Variants in TFDP1 observed in about 807,000 individuals in gnomAD.
TFDP1 encodes transcription factor Dp-1.
Under a neutral mutation model 48.0 loss-of-function variants are expected in TFDP1, and 6 were observed. The ratio of observed to expected loss-of-function variants is 0.13; its 90% CI spans 0.07 to 0.25. TFDP1 has a LOEUF of 0.25. Ranked by LOEUF, TFDP1 falls within the 10% of genes least tolerant of loss-of-function variation. The pLI, the probability that TFDP1 is intolerant of heterozygous loss-of-function variation, is 1.00. For synonymous variants in TFDP1, 201 were observed against 211.6 expected, an observed-to-expected ratio of 0.95 and a Z score of 0.44; for missense variants, 335 against 543.0, an observed-to-expected ratio of 0.62 and a Z score of 3.81.
In TFDP1 at chr13:113,598,691, C is replaced by G. The variant is rs370408479; in HGVS notation, c.13-12305C>G. Among the ~76,000 whole-genome samples the G allele has an allele frequency of 1.6e-3, 243 of 152,344 alleles. No individual in the cohort carries two copies. Among genetic ancestry groups the G allele is most frequent in the African/African-American group, 5.7e-3 (239 of 41,572 alleles). ...GCCCTCCTGGGTGGAGTCTGCGTCC[C>G]CCTTTCCTGGTCATTTAAGTTGCGT... On this transcript the variant is annotated intron_variant, in intron 2 of 11. Transcript: ENST00000375370. This position sits in a 1 kb window ranked among gnomAD's most constrained non-coding sequence, Gnocchi z 4.2.
At chr13:113,600,006 G>A (rs1007919570) in intron 2 of TFDP1, among the ~76,000 whole-genome samples, 5 of 150,424 alleles carry the variant, frequency 3.3e-5, no homozygotes, top group South Asian at 2.1e-4. Flanking sequence ...AGGACCGTGA[G>A]AGAGAATCCT....
chr13:113,598,581 A>G lies in TFDP1; in HGVS notation c.13-12415A>G, dbSNP rs1436267217. Among the ~76,000 whole-genome samples the G allele has an allele frequency of 2.0e-5, 3 of 152,040 alleles. No homozygotes were observed. Among genetic ancestry groups the G allele is most frequent in the African/African-American group, 7.2e-5 (3 of 41,382 alleles). On this transcript the variant is annotated intron_variant, in intron 2 of 11. Transcript: ENST00000375370. This position sits in a 1 kb window ranked among gnomAD's most constrained non-coding sequence, Gnocchi z 4.2. ...CCTAACCTGCCCTCCTGTGACTCCC[A>G]TTGTGTATGAACTTACCTCCTCGCT...
At chr13:113,588,873 A>G (rs1373747505) in intron 2 of TFDP1, among the ~76,000 whole-genome samples, 1 of 149,356 alleles carries the variant, frequency 6.7e-6, no homozygotes, top group African/African-American at 2.5e-5. Context: ...GAGAGTGGTG[A>G]TGGTGGTGTA....
Position 113,623,629 on chromosome 13 carries a change from C to T in TFDP1, c.186+343C>T, listed in dbSNP as rs1210723503. Among the ~76,000 whole-genome samples, 1 of 152,206 alleles carries T rather than the reference C, an allele frequency of 6.6e-6. No homozygotes were observed. Among genetic ancestry groups the T allele is most frequent in the Non-Finnish European group, 1.5e-5 (1 of 68,032 alleles). The stretch of plus-strand genomic sequence containing the variant: ...CTCGAAGCTCTTCATCTAACAGGGG[C>T]TTCTTACGTGATGTGGCCGAGCGTT... On this transcript the variant is annotated intron_variant, in intron 4 of 11. Transcript: ENST00000375370. The surrounding 1 kb of genome is among the most constrained non-coding windows in gnomAD (Gnocchi z 5.2).
At chr13:113,613,740 CTG>C (rs57151651) in intron 3 of TFDP1, among the ~76,000 whole-genome samples, 66,488 of 146,400 alleles carry the variant, frequency 0.45, 16,289 homozygotes, top group African/African-American at 0.66. Context: ...ATGAGTGTGT[CTG>C]TGTGTATGCG....
At chr13:113,609,685 G>A (rs1011818813) in intron 2 of TFDP1, among the ~76,000 whole-genome samples, 4 of 152,140 alleles carry the variant, frequency 2.6e-5, no homozygotes, top group Non-Finnish European at 4.4e-5. Flanking sequence ...TCCCCTGACT[G>A]TTACCTGGGT....
Position 113,633,769 on chromosome 13 carries a change from C to G in TFDP1, c.475-121C>G. On this transcript the variant is annotated intron_variant, in intron 6 of 11. Transcript: ENST00000375370. This position sits in a 1 kb window ranked among gnomAD's most constrained non-coding sequence, Gnocchi z 4.5. ...GTGGGGTGGGAGCGCTCCCTGAGGG[C>G]ATGTTGGGGTGGCGGCTCCGTGAGC... is the stretch of plus-strand genomic sequence containing the variant. 8.3e-7 allele frequency: 1 copy of G among 1,197,848 alleles called. No homozygotes were observed. The highest frequency in any genetic ancestry group is 1.5e-5 in the African/African-American group (1 of 65,438). 74.2% of individuals were successfully genotyped at this position (1,197,848 alleles called of 1,614,324 possible). A position where few individuals can be genotyped will look rare whatever the true frequency, so the allele number is the denominator to read the frequency against.
rs542450520 is a variant in TFDP1 at position 113,633,768 on chromosome 13, G to A, written c.475-122G>A. ...TGTGGGGTGGGAGCGCTCCCTGAGG[G>A]CATGTTGGGGTGGCGGCTCCGTGAG... On this transcript the variant is annotated intron_variant, in intron 6 of 11. Coordinates refer to ENST00000375370, the MANE Select transcript of TFDP1 (RefSeq NM_007111.5). The surrounding 1 kb of genome is among the most constrained non-coding windows in gnomAD (Gnocchi z 4.5). The A allele has an allele frequency of 3.6e-5, 43 of 1,192,980 alleles. No individual in the cohort carries two copies. Among genetic ancestry groups the A allele is most frequent in the Non-Finnish European group, 4.7e-6 (4 of 845,268 alleles). 73.9% of individuals were successfully genotyped at this position (1,192,980 alleles called of 1,614,324 possible).
At chr13:113,634,843 A>C (rs559046217) in intron 8 of TFDP1, among the ~76,000 whole-genome samples, 2 of 147,576 alleles carry the variant, frequency 1.4e-5, no homozygotes, top group Non-Finnish European at 3.0e-5. Context: ...GTGTGTGTGC[A>C]TGTGCCTGTG....
chr13:113,620,150 G>A lies in TFDP1; in HGVS notation c.80-3030G>A, dbSNP rs145607678. 8.1e-3 allele frequency among the ~76,000 whole-genome samples: 1,232 copies of A among 152,306 alleles called. 14 individuals carry two copies. Among genetic ancestry groups the A allele is most frequent in the South Asian group, 0.066 (316 of 4,824 alleles). On this transcript the variant is annotated intron_variant, in intron 3 of 11. Coordinates refer to ENST00000375370, the MANE Select transcript of TFDP1 (RefSeq NM_007111.5). ...GACAGATGGTGTAGGCAGGCCAGCC[G>A]GCCGGCCTGTGGGTGGAGCAGATGG...
At chr13:113,631,819 G>A (rs1594526570) in intron 5 of TFDP1, 75 bp downstream of exon 5, 9 of 1,581,972 alleles carry the variant, frequency 5.7e-6, no homozygotes, top group South Asian at 3.4e-5. Flanking sequence ...CCTGGGCCAC[G>A]TGTGTCACAC....
intron 2 of TFDP1, among the ~76,000 whole-genome samples, chr13:113,599,893 A>G (rs2048369730): frequency 6.6e-6 from 1 of 151,460 alleles, no homozygotes; most frequent in Non-Finnish European, 1.5e-5. Flanking sequence ...CAGGACTGCC[A>G]GAGAGAATCC....
chr13:113,632,154 C>T (rs1018190469), intron 5 of TFDP1, among the ~76,000 whole-genome samples: 1 of 152,248 alleles, frequency 6.6e-6, no homozygotes, highest in East Asian at 1.9e-4. Flanking sequence ...TTACGGCCCC[C>T]GCGGGTGGTC....
At chr13:113,596,470 T>C (rs761334898) in intron 2 of TFDP1, among the ~76,000 whole-genome samples, 1 of 152,102 alleles carries the variant, frequency 6.6e-6, no homozygotes, top group Non-Finnish European at 1.5e-5. Flanking sequence ...GAGCTGGCTG[T>C]GGATGAGGGG....
At chr13:113,585,726 T>C (rs2047986294) in intron 1 of TFDP1, 48 bp from the exon 2 acceptor site, 1 of 1,182,126 alleles carries the variant, frequency 8.5e-7, no homozygotes, top group Non-Finnish European at 1.2e-6. Context: ...CGTTTTTCAT[T>C]CTTACTTATT....
chr13:113,613,216 A>G (rs1173410923), intron 3 of TFDP1, among the ~76,000 whole-genome samples: 1 of 152,166 alleles, frequency 6.6e-6, no homozygotes, highest in Non-Finnish European at 1.5e-5. Flanking sequence ...GGGTTTCACC[A>G]TGTTGGTCAG....
intron 3 of TFDP1, among the ~76,000 whole-genome samples, chr13:113,622,972 G>C (rs1034993393): frequency 1.2e-4 from 18 of 152,282 alleles, no homozygotes; most frequent in Non-Finnish European, 1.8e-4. Flanking sequence ...GGTGGCGTCA[G>C]CGCGGCCCTG....
chr13:113,626,211 G>A lies in TFDP1; in HGVS notation c.186+2925G>A, dbSNP rs141072134. 3.4e-3 allele frequency among the ~76,000 whole-genome samples: 512 copies of A among 152,272 alleles called. 3 individuals are homozygous for A. The highest frequency in any genetic ancestry group is 5.6e-3 in the Non-Finnish European group (384 of 68,024). ...CATCCTCAGGTGTCCCTGGCCCTGT[G>A]GAGAGCTCTCTGTACTGAGCTGTTT... On this transcript the variant is annotated intron_variant, in intron 4 of 11. Transcript: ENST00000375370.
intron 10 of TFDP1, 25 bp from the exon 11 acceptor site, chr13:113,637,793 T>G (rs955410412): frequency 1.8e-5 from 29 of 1,614,152 alleles, no homozygotes; most frequent in Admixed American, 6.7e-5. Context: ...TCATGACCAT[T>G]CGCTTATTTT....
Sources: allele counts gnomAD v4.1 joint callset (sites outside exome capture counted in the v4.1 genomes callset), GRCh38; gene constraint gnomAD v4.1.1; non-coding constraint Gnocchi (gnomAD v3.1); transcripts MANE v1.5; gene names NCBI Gene and HGNC (gene_info 2026-07-23, HGNC 2026-07-21).